Variants in SHLD1 observed in about 807,000 individuals in gnomAD.
SHLD1 encodes shieldin complex subunit 1, also known as RINN1-REV7-interacting novel NHEJ regulator 3.
A neutral mutation model predicts 5.5 loss-of-function variants in SHLD1; 3 were observed. The observed-to-expected ratio is 0.54, with a 90% CI of 0.25 to 1.40. The LOEUF (loss-of-function observed/expected upper bound fraction) is 1.40, where lower values mean the gene tolerates loss of function less well. SHLD1 is among the 40% of genes most tolerant of loss of function. The pLI is 0.15. For missense variants in SHLD1, 210 were observed against 244.4 expected (o/e 0.86, Z 0.94); for synonymous variants, 92 against 94.3 (o/e 0.98, Z 0.14).
At chr20:5,774,921 A>G (rs1286058033) in intron 2 of SHLD1, among the ~76,000 whole-genome samples, 1 of 151,924 alleles carries the variant, frequency 6.6e-6, no homozygotes, top group African/African-American at 2.4e-5. Flanking sequence ...TTTCCCTGCC[A>G]TCCTGCTGCC....
At chr20:5,834,986 T>A (rs952215705) in intron 2 of SHLD1, among the ~76,000 whole-genome samples, 12 of 152,310 alleles carry the variant, frequency 7.9e-5, no homozygotes, top group African/African-American at 2.6e-4. Flanking sequence ...CTTAATACTA[T>A]CACCTTGGAG....
chr20:5,852,631 G>A (rs1225724251), intron 2 of SHLD1, among the ~76,000 whole-genome samples: 1 of 152,002 alleles, frequency 6.6e-6, no homozygotes, highest in Admixed American at 6.6e-5. Flanking sequence ...TGTATTTTTA[G>A]TAGAGACGGG....
At chr20:5,838,451 A>G (rs1297280712) in intron 2 of SHLD1, among the ~76,000 whole-genome samples, 1 of 152,222 alleles carries the variant, frequency 6.6e-6, no homozygotes, top group African/African-American at 2.4e-5. Flanking sequence ...AAAAATAAAA[A>G]TTAGTTATGA....
intron 2 of SHLD1, among the ~76,000 whole-genome samples, chr20:5,780,779 G>A (rs1409348678): frequency 6.6e-6 from 1 of 152,064 alleles, no homozygotes; most frequent in African/African-American, 2.4e-5. Context: ...TCATTCCCAG[G>A]CACATGGCCT....
chr20:5,849,218 T>TA (rs1286031539), intron 2 of SHLD1, among the ~76,000 whole-genome samples: 2 of 152,212 alleles, frequency 1.3e-5, no homozygotes, highest in African/African-American at 4.8e-5. Flanking sequence ...ACCCTGGTGT[T>TA]ACGACGCAGC....
In SHLD1 at chr20:5,752,196, G is replaced by A. The variant is rs1983790382; in HGVS notation, c.-5+1717G>A. Among the ~76,000 whole-genome samples, 3 of 152,074 alleles carry A rather than the reference G, an allele frequency of 2.0e-5. No homozygotes were observed. In the South Asian group the frequency reaches 6.2e-4, roughly 32 times the overall value. On this transcript the variant is annotated intron_variant, in intron 1 of 2. Transcript: ENST00000303142. ...AGATCACTTGAGGTCAGGAGTTCAA[G>A]ACCAGCCTGGCCAACATGATGAAAC...
At chr20:5,860,803 T>C (rs1267399371) in intron 2 of SHLD1, among the ~76,000 whole-genome samples, 1 of 147,368 alleles carries the variant, frequency 6.8e-6, no homozygotes, top group Non-Finnish European at 1.5e-5. Flanking sequence ...AGTCCAGTGA[T>C]AGTGTTCTTG....
chr20:5,836,912 A>G (rs183270260), intron 2 of SHLD1, among the ~76,000 whole-genome samples: 2 of 152,368 alleles, frequency 1.3e-5, no homozygotes, highest in Admixed American at 1.3e-4. Flanking sequence ...TAAAAGAAAC[A>G]GAGACAAGGA....
intron 2 of SHLD1, among the ~76,000 whole-genome samples, chr20:5,824,879 T>C (rs901433072): frequency 2.0e-5 from 3 of 152,210 alleles, no homozygotes; most frequent in Non-Finnish European, 4.4e-5. Context: ...GTGACTTCTG[T>C]ACGTACTTTG....
intron 2 of SHLD1, among the ~76,000 whole-genome samples, chr20:5,856,942 TA>T (rs2088094035): frequency 6.6e-6 from 1 of 152,212 alleles, no homozygotes; most frequent in Non-Finnish European, 1.5e-5. Context: ...ATTTAATTTG[TA>T]AATTAAAGGT....
intron 2 of SHLD1, among the ~76,000 whole-genome samples, chr20:5,860,147 G>A (rs1217607181): frequency 6.6e-6 from 1 of 150,764 alleles, no homozygotes; most frequent in African/African-American, 2.4e-5. Flanking sequence ...GGTCATCTGC[G>A]GGTAAGAAGG....
intron 2 of SHLD1, among the ~76,000 whole-genome samples, chr20:5,785,093 T>C (rs1223339355): frequency 6.6e-6 from 1 of 152,202 alleles, no homozygotes; most frequent in Non-Finnish European, 1.5e-5. Context: ...AGGAAACAAC[T>C]TGATTACAAT....
At chr20:5,818,407 G>A (rs545114442) in intron 2 of SHLD1, among the ~76,000 whole-genome samples, 2 of 152,310 alleles carry the variant, frequency 1.3e-5, no homozygotes, top group South Asian at 4.1e-4. Context: ...ATTTATAGCA[G>A]AAGGGCAAAT....
chr20:5,768,328 G>A (rs1271308061), intron 1 of SHLD1, among the ~76,000 whole-genome samples: 2 of 152,162 alleles, frequency 1.3e-5, no homozygotes, highest in African/African-American at 4.8e-5. Flanking sequence ...GTGCTTGTCC[G>A]AGCTGGTTCT....
At chr20:5,813,556 A>G (rs971964960) in intron 2 of SHLD1, among the ~76,000 whole-genome samples, 1 of 152,180 alleles carries the variant, frequency 6.6e-6, no homozygotes, top group African/African-American at 2.4e-5. Context: ...TATAGACACT[A>G]AAAGAAATCT....
intron 2 of SHLD1, among the ~76,000 whole-genome samples, chr20:5,796,653 C>T (rs1159827184): frequency 6.6e-6 from 1 of 151,650 alleles, no homozygotes; most frequent in African/African-American, 2.4e-5. Context: ...ATGGAGAAAC[C>T]CCATCTCTAC....
At position 5,806,272 on chromosome 20, in the gene SHLD1, C is replaced by T. The variant is rs1250443148; in HGVS notation, c.178+33229C>T. Among the ~76,000 whole-genome samples, 2 of 152,244 alleles carry T rather than the reference C, an allele frequency of 1.3e-5. No individual in the cohort carries two copies. Among genetic ancestry groups the T allele is most frequent in the Non-Finnish European group, 2.9e-5 (2 of 68,038 alleles). On this transcript the variant is annotated intron_variant, in intron 2 of 2. Coordinates refer to ENST00000303142, the MANE Select transcript of SHLD1 (RefSeq NM_152504.4). This position sits in a 1 kb window ranked among gnomAD's most constrained non-coding sequence, Gnocchi z 7.6. The stretch of plus-strand genomic sequence containing the variant: ...TGACATAAGTGAGAATCTCCACCCA[C>T]AAACTTTAAAACTGTTGCTTACGCA...
At chr20:5,798,934 C>A (rs1326713415) in intron 2 of SHLD1, among the ~76,000 whole-genome samples, 1 of 152,132 alleles carries the variant, frequency 6.6e-6, no homozygotes, top group Non-Finnish European at 1.5e-5. Flanking sequence ...CTGTAATCCC[C>A]ATACTTTGGA....
chr20:5,832,845 AAATG>A lies in SHLD1; in HGVS notation c.179-30178_179-30175del, dbSNP rs1189551192. Among the ~76,000 whole-genome samples, 32 of 148,212 alleles carry A rather than the reference AAATG, an allele frequency of 2.2e-4. No individual in the cohort carries two copies. The South Asian group carries it at 3.9e-3, about 18-fold the overall frequency. On this transcript the variant is annotated intron_variant, in intron 2 of 2. Coordinates refer to ENST00000303142, the MANE Select transcript of SHLD1 (RefSeq NM_152504.4). ...TAAATAAATAAATAAATAAATAAAT[AAATG>A]GGGAAAAAAGCAGGTATCCAACATA... is the stretch of plus-strand genomic sequence containing the variant.
Sources: allele counts gnomAD v4.1 joint callset (sites outside exome capture counted in the v4.1 genomes callset), GRCh38; gene constraint gnomAD v4.1.1; non-coding constraint Gnocchi (gnomAD v3.1); transcripts MANE v1.5; gene names NCBI Gene and HGNC (gene_info 2026-07-23, HGNC 2026-07-21).